Variants in OR13G1 observed in about 807,000 individuals in gnomAD.
The protein encoded by OR13G1 is olfactory receptor 13G1.
For missense variants in OR13G1, 369 were observed against 385.7 expected (o/e 0.96, Z 0.36); for synonymous variants, 128 against 136.2 (o/e 0.94, Z 0.42).
At chr1:247,679,324 A>T (rs1415802745) in intron 1 of OR13G1, among the ~76,000 whole-genome samples, 1 of 152,192 alleles carries the variant, frequency 6.6e-6, no homozygotes, top group African/African-American at 2.4e-5. Context: ...GTTAACCTAA[A>T]TTTAGTTGAC....
chr1:247,672,406 G>T lies in OR13G1; in HGVS notation c.636C>A (p.Cys212Ter), dbSNP rs577553531. 6.8e-6 allele frequency: 11 copies of T among 1,614,118 alleles called. No individual in the cohort carries two copies. In the East Asian group the frequency reaches 2.2e-4, roughly 33 times the overall value. Residue 212 changes from cysteine to a stop codon, truncating the protein, a stop_gained, in exon 2 of 2, where the codon TGC becomes TGA. Transcript: ENST00000642119. LOFTEE classifies it low-confidence loss of function (END_TRUNC). ...TLAIGDFILT[C>*]ISYGFIIVAI... ...CAACAATGATAAAACCATAGGAGAT[G>T]CAGGTAAGAATAAAGTCCCCTATGG...
chr1:247,674,960 A>G (rs1044979624), intron 1 of OR13G1, among the ~76,000 whole-genome samples: 1 of 152,206 alleles, frequency 6.6e-6, no homozygotes, highest in Admixed American at 6.5e-5. Context: ...GAAGAGGAAA[A>G]TATAGACAAG....
Position 247,671,005 on chromosome 1 carries a change from A to C in OR13G1, c.*1113T>G, listed in dbSNP as rs898787056. 6.6e-6 allele frequency: 1 copy of C among 152,020 alleles called. No homozygotes were observed. Among genetic ancestry groups the C allele is most frequent in the African/African-American group, 2.4e-5 (1 of 41,424 alleles). 9.4% of individuals were successfully genotyped at this position (152,020 alleles called of 1,614,324 possible). A position where few individuals can be genotyped will look rare whatever the true frequency, so the allele number is the denominator to read the frequency against. Reference sequence around the variant, plus strand: ...TTGGCATTCTCACTCTCTCAACCTAACTTTATTTCATGATTTAGTTTGTGA... The same window carrying C: ...TTGGCATTCTCACTCTCTCAACCTACCTTTATTTCATGATTTAGTTTGTGA... On this transcript the variant is annotated 3_prime_UTR_variant, in exon 2 of 2. Coordinates refer to ENST00000642119, the MANE Select transcript of OR13G1 (RefSeq NM_001005487.2).
At position 247,672,089 on chromosome 1, in the gene OR13G1, T is replaced by C. The variant is rs768166803; in HGVS notation, c.*29A>G. 4 of 1,565,522 alleles carry C rather than the reference T, an allele frequency of 2.6e-6. No individual in the cohort carries two copies. In the South Asian group the frequency reaches 3.5e-5, roughly 14 times the overall value. ...GATGCTCTAGAAGATGGTTCTGGAG[T>C]ACAGAAGTGATGTTGCATGTTGAAA... is the stretch of plus-strand genomic sequence containing the variant. On this transcript the variant is annotated 3_prime_UTR_variant, in exon 2 of 2. Transcript: ENST00000642119.
In OR13G1 at chr1:247,679,488, G is replaced by A. The variant is rs1435654774; in HGVS notation, c.-239+152C>T. Reference sequence around the variant, plus strand: ...TTAAAGTACAATCCGCGGATGGATTGTGTGTGTGTGTGTGTGTGTGTGTGT... The same window carrying A: ...TTAAAGTACAATCCGCGGATGGATTATGTGTGTGTGTGTGTGTGTGTGTGT... On this transcript the variant is annotated intron_variant, in intron 1 of 1. Transcript: ENST00000642119. Among the ~76,000 whole-genome samples the A allele has an allele frequency of 1.4e-4, 3 of 21,098 alleles. No homozygotes were observed. The East Asian group carries it at 0.01, about 72-fold the overall frequency. The allele number at this position is 21,098 out of a possible 152,430, so 13.8% of individuals were successfully genotyped here. A position where few individuals can be genotyped will look rare whatever the true frequency, so the allele number is the denominator to read the frequency against.
chr1:247,671,888 G>T lies in OR13G1; in HGVS notation c.*230C>A. On this transcript the variant is annotated 3_prime_UTR_variant, in exon 2 of 2. Transcript: ENST00000642119. ...TATGTACATATTTTTGGAAAATGTT[G>T]GAATATATATTATGACATATATTTA... is the stretch of plus-strand genomic sequence containing the variant. 1 of 491,992 alleles carries T rather than the reference G, an allele frequency of 2.0e-6. No individual in the cohort carries two copies. Among genetic ancestry groups the T allele is most frequent in the Non-Finnish European group, 3.6e-6 (1 of 281,184 alleles). The allele number at this position is 491,992 out of a possible 1,614,324, so 30.5% of individuals were successfully genotyped here.
Position 247,672,406 on chromosome 1 carries a change from G to A in OR13G1, c.636C>T (p.Cys212=). Residue 212 remains cysteine (C), a synonymous_variant, in exon 2 of 2, where the codon TGC becomes TGT. Coordinates refer to ENST00000642119, the MANE Select transcript of OR13G1 (RefSeq NM_001005487.2). ...TLAIGDFILT[C]ISYGFIIVAI... Reference sequence around the variant, plus strand: ...CAACAATGATAAAACCATAGGAGATGCAGGTAAGAATAAAGTCCCCTATGG... The same window carrying A: ...CAACAATGATAAAACCATAGGAGATACAGGTAAGAATAAAGTCCCCTATGG... The A allele has an allele frequency of 1.2e-6, 2 of 1,614,118 alleles. No individual in the cohort carries two copies. The highest frequency in any genetic ancestry group is 1.7e-6 in the Non-Finnish European group (2 of 1,179,994).
intron 1 of OR13G1, among the ~76,000 whole-genome samples, chr1:247,678,803 A>G: frequency 6.6e-6 from 1 of 152,162 alleles, no homozygotes. Flanking sequence ...GCCCTACCCT[A>G]CAAAGGATAA....
rs1659196308 is a variant in OR13G1, at chr1:247,671,292, ATC to A, written c.*824_*825del. On this transcript the variant is annotated 3_prime_UTR_variant, in exon 2 of 2. Transcript: ENST00000642119. ...GGCAGTGCTTCATTTGCCTCATGAA[ATC>A]TCTGTCCTTAGCCTTCATTCTACTT... 6.6e-6 allele frequency: 1 copy of A among 152,042 alleles called. No individual in the cohort carries two copies. The highest frequency in any genetic ancestry group is 1.5e-5 in the Non-Finnish European group (1 of 68,010). The allele number at this position is 152,042 out of a possible 1,614,324, so 9.4% of individuals were successfully genotyped here.
rs1000923370 is a variant in OR13G1, at chr1:247,671,691, T to G, written c.*427A>C. ...ATGCTGTAAGTGAATGAACCCAGCC[T>G]ATTAAGCAAGGGAAAATTTATCACA... On this transcript the variant is annotated 3_prime_UTR_variant, in exon 2 of 2. Coordinates refer to ENST00000642119, the MANE Select transcript of OR13G1 (RefSeq NM_001005487.2). 2 of 172,770 alleles carry G rather than the reference T, an allele frequency of 1.2e-5. No homozygotes were observed. Among genetic ancestry groups the G allele is most frequent in the Non-Finnish European group, 2.5e-5 (2 of 79,900 alleles). 10.7% of individuals were successfully genotyped at this position (172,770 alleles called of 1,614,324 possible).
At position 247,675,429 on chromosome 1, in the gene OR13G1, A is replaced by C. The variant is rs544904679; in HGVS notation, c.-238-2150T>G. On this transcript the variant is annotated intron_variant, in intron 1 of 1. Coordinates refer to ENST00000642119, the MANE Select transcript of OR13G1 (RefSeq NM_001005487.2). Reference sequence around the variant, plus strand: ...ATTCTTAAAGTTCACAGGAGATGGAAAAGTGCACCCCTGTTCCACCATCTC... The same window carrying C: ...ATTCTTAAAGTTCACAGGAGATGGACAAGTGCACCCCTGTTCCACCATCTC... 2.1e-4 allele frequency among the ~76,000 whole-genome samples: 32 copies of C among 152,282 alleles called. No homozygotes were observed. The South Asian group carries it at 6.2e-3, about 30-fold the overall frequency.
chr1:247,679,345 A>T (rs1325200351), intron 1 of OR13G1, among the ~76,000 whole-genome samples: 1 of 152,126 alleles, frequency 6.6e-6, no homozygotes, highest in Admixed American at 6.5e-5. Context: ...TGTCTTTTAA[A>T]CTCCAACTTT....
At position 247,673,126 on chromosome 1, in the gene OR13G1, TGAG is replaced by T; in HGVS notation, c.-88_-86del. ...ATCCCTGTGTTGTTAGGAGATAACA[TGAG>T]GAGTGTGTGTACTTAGGGACTTAAT... On this transcript the variant is annotated 5_prime_UTR_variant, in exon 2 of 2. Coordinates refer to ENST00000642119, the MANE Select transcript of OR13G1 (RefSeq NM_001005487.2). 9.6e-7 allele frequency: 1 copy of T among 1,036,882 alleles called. No individual in the cohort carries two copies. Among genetic ancestry groups the T allele is most frequent in the Non-Finnish European group, 1.4e-6 (1 of 704,354 alleles). 64.2% of individuals were successfully genotyped at this position (1,036,882 alleles called of 1,614,324 possible).
intron 1 of OR13G1, among the ~76,000 whole-genome samples, chr1:247,678,863 C>T (rs1176010): frequency 0.4 from 60,066 of 151,846 alleles, 12,621 homozygotes; most frequent in East Asian, 0.59. Flanking sequence ...ACTGAAAGAC[C>T]CACATCCTAG....
chr1:247,675,237 G>GA (rs1367311034), intron 1 of OR13G1, among the ~76,000 whole-genome samples: 3 of 150,438 alleles, frequency 2.0e-5, no homozygotes, highest in Non-Finnish European at 4.4e-5. Flanking sequence ...CATTGTTGAA[G>GA]AAAAAAGCTT....
chr1:247,670,947 T>C lies in OR13G1; in HGVS notation c.*1171A>G, dbSNP rs544917504. ...TTCCAACTTGTTATAAGATGTGTTG[T>C]ATATTGTATATTTTTATTATGTAGC... is the stretch of plus-strand genomic sequence containing the variant. On this transcript the variant is annotated 3_prime_UTR_variant, in exon 2 of 2. Transcript: ENST00000642119. 6.6e-6 allele frequency: 1 copy of C among 152,252 alleles called. No homozygotes were observed. The highest frequency in any genetic ancestry group is 2.4e-5 in the African/African-American group (1 of 41,566). 9.4% of individuals were successfully genotyped at this position (152,252 alleles called of 1,614,324 possible). A position where few individuals can be genotyped will look rare whatever the true frequency, so the allele number is the denominator to read the frequency against.
At chr1:247,674,045 T>G (rs2103156198) in intron 1 of OR13G1, among the ~76,000 whole-genome samples, 1 of 152,312 alleles carries the variant, frequency 6.6e-6, no homozygotes, top group African/African-American at 2.4e-5. Context: ...TTTCTTTTAC[T>G]TTCTTTTCTA....
At position 247,672,704 on chromosome 1, in the gene OR13G1, G is replaced by T. The variant is rs374414029; in HGVS notation, c.338C>A (p.Thr113Asn). 12 of 1,613,886 alleles carry T rather than the reference G, an allele frequency of 7.4e-6. No individual in the cohort carries two copies. The highest frequency in any genetic ancestry group is 1.6e-4 in the Middle Eastern group (1 of 6,082). The change falls in exon 2 of 2, where the codon ACC (threonine) becomes AAC (asparagine). Residue 113 changes from threonine to asparagine, a missense_variant. By Grantham distance (65) the Thr-to-Asn change is moderately conservative (BLOSUM62 0). Transcript: ENST00000642119. ...CACATAGCGGTCATAGGCCATGGTG[G>T]TGAAGAGAACCATCTCAGCTCCCAG... is the stretch of plus-strand genomic sequence containing the variant. Reference protein sequence around the residue: ...WSLGAEMVLFTTMAYDRYVAI... With the variant: ...WSLGAEMVLFNTMAYDRYVAI...
At position 247,672,702 on chromosome 1, in the gene OR13G1, T is replaced by C; in HGVS notation, c.340A>G (p.Thr114Ala). 6.2e-7 allele frequency: 1 copy of C among 1,613,948 alleles called. No individual in the cohort carries two copies. Among genetic ancestry groups the C allele is most frequent in the Non-Finnish European group, 8.5e-7 (1 of 1,179,922 alleles). ...SLGAEMVLFT[T>A]MAYDRYVAIC... is the part of the protein sequence containing the mutation. ...GCCACATAGCGGTCATAGGCCATGG[T>C]GGTGAAGAGAACCATCTCAGCTCCC... The change falls in exon 2 of 2, where the codon ACC (threonine) becomes GCC (alanine). Residue 114 changes from threonine (T) to alanine (A), a missense_variant. Coordinates refer to ENST00000642119, the MANE Select transcript of OR13G1 (RefSeq NM_001005487.2).
Sources: allele counts gnomAD v4.1 joint callset (sites outside exome capture counted in the v4.1 genomes callset), GRCh38; gene constraint gnomAD v4.1.1; transcripts MANE v1.5; gene names NCBI Gene and HGNC (gene_info 2026-07-23, HGNC 2026-07-21).